ST3GAL5: variants seen among roughly 807,000 people sequenced by gnomAD.
The protein encoded by ST3GAL5 is lactosylceramide alpha-2,3-sialyltransferase.
Under a neutral mutation model 46.1 loss-of-function variants are expected in ST3GAL5, and 25 were observed. The ratio of observed to expected loss-of-function variants is 0.54; its 90% CI spans 0.40 to 0.76. ST3GAL5 has a LOEUF of 0.76. ST3GAL5 is among the 30% of genes least tolerant of loss of function. ST3GAL5 has a pLI of 0.00. For synonymous variants in ST3GAL5, 182 were observed against 192.7 expected (o/e 0.94, Z 0.46); for missense variants, 431 against 521.2 (o/e 0.83, Z 1.69).
At chr2:85,882,112 G>T (rs1687222483) in intron 1 of ST3GAL5, among the ~76,000 whole-genome samples, 1 of 152,216 alleles carries the variant, frequency 6.6e-6, no homozygotes, top group Non-Finnish European at 1.5e-5. Flanking sequence ...AGCCTTGGCA[G>T]CCTAGTCAAG....
intron 6 of ST3GAL5, among the ~76,000 whole-genome samples, 174 bp downstream of exon 6, chr2:85,844,222 A>G (rs1481453055): frequency 6.6e-6 from 1 of 152,184 alleles, no homozygotes; most frequent in Non-Finnish European, 1.5e-5. Context: ...GGCCAATTAA[A>G]CAATGAGGAG....
intron 3 of ST3GAL5, among the ~76,000 whole-genome samples, chr2:85,857,946 A>G (rs1281235115): frequency 6.6e-6 from 1 of 152,206 alleles, no homozygotes; most frequent in East Asian, 1.9e-4. Context: ...GTATTTTTAC[A>G]GACATAGTCC....
chr2:85,864,383 A>T (rs905491913), intron 1 of ST3GAL5, among the ~76,000 whole-genome samples: 4 of 152,148 alleles, frequency 2.6e-5, no homozygotes, highest in African/African-American at 9.7e-5. Flanking sequence ...CAAAAATGAG[A>T]TCTGCTTCAA....
chr2:85,861,407 A>C (rs1684714816), intron 2 of ST3GAL5, 115 bp from the exon 3 acceptor site: 1 of 736,702 alleles, frequency 1.4e-6, no homozygotes, highest in African/African-American at 1.7e-5. Context: ...ATAAAACTAC[A>C]ATCTTTAAGT....
chr2:85,846,456 G>C lies in ST3GAL5; in HGVS notation c.770C>G (p.Ser257Cys), dbSNP rs2103949125. 6.2e-7 allele frequency: 1 copy of C among 1,614,176 alleles called. No homozygotes were observed. The highest frequency in any genetic ancestry group is 1.1e-5 in the South Asian group (1 of 91,074). ...GAPLSDLEYY[S>C]NDLFVAVLFK... ...TAAAACAGCAACAAATAAGTCATTG[G>C]AATAATATTCAAGGTCAGACAGTGG... The change falls in exon 5 of 7, where the codon TCC becomes TGC. Residue 257 changes from serine to cysteine, a missense_variant. By Grantham distance (112) the Ser-to-Cys change is moderately radical. Coordinates refer to ENST00000638572, the MANE Select transcript of ST3GAL5 (RefSeq NM_003896.4).
In ST3GAL5 at chr2:85,846,144, C is replaced by T. The variant is rs543617591; in HGVS notation, c.849+233G>A. ...CTGGGATGCGGAGGCTGCAGAGAGC[C>T]AAGACTGCACCACTGCACTCCAGCC... On this transcript the variant is annotated intron_variant, in intron 5 of 6. Coordinates refer to ENST00000638572, the MANE Select transcript of ST3GAL5 (RefSeq NM_003896.4). The T allele has an allele frequency of 4.4e-5, 22 of 498,722 alleles. No homozygotes were observed. In the South Asian group the frequency reaches 4.7e-4, roughly 11 times the overall value. 30.9% of individuals were successfully genotyped at this position (498,722 alleles called of 1,614,324 possible). A position where few individuals can be genotyped will look rare whatever the true frequency, so the allele number is the denominator to read the frequency against.
chr2:85,840,115 G>C lies in ST3GAL5; in HGVS notation c.*29C>G. On this transcript the variant is annotated 3_prime_UTR_variant, in exon 7 of 7. Coordinates refer to ENST00000638572, the MANE Select transcript of ST3GAL5 (RefSeq NM_003896.4). ...GTCAAAAACAGCTCTCAGAGTTAGA[G>C]TTGCATTTTCAACTGAGGTTTTCTG... The C allele has an allele frequency of 6.2e-7, 1 of 1,614,194 alleles. No individual in the cohort carries two copies.
intron 1 of ST3GAL5, among the ~76,000 whole-genome samples, chr2:85,883,667 C>T (rs1687443912): frequency 6.6e-6 from 1 of 152,080 alleles, no homozygotes. Flanking sequence ...GTGCAGTGTG[C>T]CTAAAGGGTC....
At chr2:85,888,794 C>G in intron 1 of ST3GAL5, 30 bp downstream of exon 1, 1 of 1,191,360 alleles carries the variant, frequency 8.4e-7, no homozygotes, top group South Asian at 4.0e-5. Flanking sequence ...CGGGCCCCCG[C>G]GACGCCGAGG....
intron 3 of ST3GAL5, chr2:85,858,205 A>T (rs1435145620): frequency 6.6e-6 from 1 of 152,284 alleles, no homozygotes; most frequent in African/African-American, 2.4e-5. Flanking sequence ...TCCATCTTCC[A>T]GTCAGGCACT....
rs780658012 is a variant in ST3GAL5 at position 85,848,146 on chromosome 2, T to C, written c.377A>G (p.Lys126Arg). Residue 126 changes from lysine to arginine, a missense_variant, in exon 4 of 7, where the codon AAG becomes AGG. By Grantham distance (26) the Lys-to-Arg change is conservative (BLOSUM62 2). Coordinates refer to ENST00000638572, the MANE Select transcript of ST3GAL5 (RefSeq NM_003896.4). ...LQKECRPKFA[K>R]TSMALLFEHR... ...CTCAAATAACAGCGCCATTGATGTCTTGGCAAACTTGGGACGACATTCCTT... is the reference window on the plus strand; with the variant it reads ...CTCAAATAACAGCGCCATTGATGTCCTGGCAAACTTGGGACGACATTCCTT... The C allele has an allele frequency of 3.1e-6, 5 of 1,614,206 alleles. No homozygotes were observed. The South Asian group carries it at 4.4e-5, about 14-fold the overall frequency.
At chr2:85,884,035 G>A (rs1037524524) in intron 1 of ST3GAL5, among the ~76,000 whole-genome samples, 6 of 152,106 alleles carry the variant, frequency 3.9e-5, no homozygotes, top group African/African-American at 1.4e-4. Flanking sequence ...ACAAAGACAT[G>A]GATACGACAG....
chr2:85,871,543 T>G (rs1353133627), intron 1 of ST3GAL5, among the ~76,000 whole-genome samples: 2 of 152,226 alleles, frequency 1.3e-5, no homozygotes, highest in Non-Finnish European at 2.9e-5. Flanking sequence ...AAATTAACTA[T>G]ACAGATAATT....
At chr2:85,880,288 A>T (rs796496653) in intron 1 of ST3GAL5, among the ~76,000 whole-genome samples, 15 of 152,316 alleles carry the variant, frequency 9.8e-5, no homozygotes, top group African/African-American at 3.6e-4. Flanking sequence ...AACTCAGAAC[A>T]AGTTACATTT....
chr2:85,880,778 G>A, intron 1 of ST3GAL5: 1 of 460,440 alleles, frequency 2.2e-6, no homozygotes, highest in South Asian at 1.7e-5. Context: ...GAGCCAAGAT[G>A]GTGCCACTGC....
At chr2:85,860,832 CAA>C (rs111470680) in intron 3 of ST3GAL5, 6,661 of 246,558 alleles carry the variant, frequency 0.027, no homozygotes, top group South Asian at 0.046. Context: ...GACCCTGACT[CAA>C]AAAAAAAAAA....
At chr2:85,848,490 A>T (rs962012897) in intron 3 of ST3GAL5, 1 of 1,131,730 alleles carries the variant, frequency 8.8e-7, no homozygotes, top group Non-Finnish European at 1.2e-6. Flanking sequence ...CACTGTTCAA[A>T]TACATTTGGG....
chr2:85,884,253 A>T (rs1687515140), intron 1 of ST3GAL5, among the ~76,000 whole-genome samples: 1 of 152,122 alleles, frequency 6.6e-6, no homozygotes, highest in Non-Finnish European at 1.5e-5. Flanking sequence ...GAAAGCACTT[A>T]TTTCTTTTTG....
Position 85,844,541 on chromosome 2 carries a change from C to T in ST3GAL5, c.863G>A (p.Arg288Gln), listed in dbSNP as rs761548748. Residue 288 changes from arginine to glutamine, a missense_variant, in exon 6 of 7, where the codon CGA becomes CAA. Physicochemically the swap from Arg to Gln is conservative, Grantham distance 43. Coordinates refer to ENST00000638572, the MANE Select transcript of ST3GAL5 (RefSeq NM_003896.4). ...VKKETLPFWV[R>Q]LFFWKQVAEK... ...TGCCACCTGCTTCCAAAAGAAGAGT[C>T]GTACCCAGAATGGCTAAGGAAAGCA... 2.2e-5 allele frequency: 35 copies of T among 1,613,910 alleles called. No homozygotes were observed. Among genetic ancestry groups the T allele is most frequent in the South Asian group, 4.4e-5 (4 of 91,078 alleles).
Sources: gnomAD v4.1 joint callset for allele counts (sites outside exome capture counted in the v4.1 genomes callset) on GRCh38, gnomAD v4.1.1 for gene constraint, MANE v1.5 for transcripts, NCBI Gene and HGNC (gene_info 2026-07-23, HGNC 2026-07-21) for gene names.